CCDC80: variants seen among roughly 807,000 people sequenced by gnomAD.
The protein encoded by CCDC80 is coiled-coil domain-containing protein 80.
Under a neutral mutation model 78.7 loss-of-function variants are expected in CCDC80, and 49 were observed. The ratio of observed to expected loss-of-function variants is 0.62; its 90% CI spans 0.50 to 0.79. The LOEUF is 0.79. Ranked by LOEUF, CCDC80 falls within the 30% of genes least tolerant of loss-of-function variation. The probability of loss-of-function intolerance (pLI) is 0.00; values close to 1 mark genes in which losing one functional copy is unlikely to be tolerated. For missense variants in CCDC80, 1,205 were observed against 1,198.6 expected (o/e 1.01, Z -0.08); for synonymous variants, 488 against 447.0 (o/e 1.09, Z -1.16).
In CCDC80 at chr3:112,597,580, T is replaced by G. The variant is rs1047371509; in HGVS notation, c.*7837A>C. 1 of 152,144 alleles carries G rather than the reference T, an allele frequency of 6.6e-6. No individual in the cohort carries two copies. Among genetic ancestry groups the G allele is most frequent in the Non-Finnish European group, 1.5e-5 (1 of 68,026 alleles). 9.4% of individuals were successfully genotyped at this position (152,144 alleles called of 1,614,324 possible). The stretch of plus-strand genomic sequence containing the variant: ...GAATTAATACAAGTGTCAGCATCTT[T>G]CATGGACATCCAGACAATTTCTTAA... On this transcript the variant is annotated 3_prime_UTR_variant, in exon 8 of 8. Transcript: ENST00000206423.
At chr3:112,617,703 T>C (rs994154594) in intron 4 of CCDC80, among the ~76,000 whole-genome samples, 14 of 152,214 alleles carry the variant, frequency 9.2e-5, no homozygotes, top group Non-Finnish European at 2.1e-4. Context: ...ATAGACAGCC[T>C]TTTTTTCCCG....
intron 5 of CCDC80, among the ~76,000 whole-genome samples, chr3:112,611,894 A>G (rs145899255): frequency 6.6e-6 from 1 of 152,244 alleles, no homozygotes; most frequent in East Asian, 1.9e-4. Flanking sequence ...AGAGTTTTCA[A>G]CCCCAAAGAA....
At chr3:112,637,937 C>T (rs549220192) in intron 2 of CCDC80, 91 bp downstream of exon 2, 1 of 1,520,022 alleles carries the variant, frequency 6.6e-7, no homozygotes, top group Admixed American at 2.3e-5. Context: ...AGTCTGGCAT[C>T]TAGCAATATG....
rs1433126536 is a variant in CCDC80, at chr3:112,639,570, G to C, written c.336C>G (p.Gly112=). The change falls in exon 2 of 8, where the codon GGC becomes GGG. Residue 112 remains glycine (G), a synonymous_variant. Coordinates refer to ENST00000206423, the MANE Select transcript of CCDC80 (RefSeq NM_199511.3). ...VRPEQRPAAR[G]SPREMIRDEG... ...CATCTCTGATCATCTCACGCGGAGA[G>C]CCCCTGGCTGCTGGTCTTTGCTCAG... The C allele has an allele frequency of 1.2e-6, 2 of 1,614,128 alleles. No individual in the cohort carries two copies. The highest frequency in any genetic ancestry group is 1.7e-5 in the Admixed American group (1 of 60,012).
In CCDC80 at chr3:112,605,477, C is replaced by A. The variant is rs763330905; in HGVS notation, c.2793G>T (p.Gln931His). 6.2e-7 allele frequency: 1 copy of A among 1,614,126 alleles called. No homozygotes were observed. Among genetic ancestry groups the A allele is most frequent in the Non-Finnish European group, 8.5e-7 (1 of 1,179,990 alleles). ...YGYHSYHQGY[Q>H]DGYQDDYRHH... ...GACGGTAGTCATCCTGGTAACCATC[C>A]TGGTATCCTTGGTGGTAACTATGGT... The change falls in exon 8 of 8, where the codon CAG becomes CAT. Residue 931 changes from glutamine to histidine, a missense_variant. Transcript: ENST00000206423.
At chr3:112,619,203 C>A in intron 3 of CCDC80, 99 bp from the exon 4 acceptor site, 1 of 1,138,244 alleles carries the variant, frequency 8.8e-7, no homozygotes, top group Non-Finnish European at 1.2e-6. Flanking sequence ...CACCAGCCTT[C>A]ATTAGTTTTA....
chr3:112,623,378 G>A (rs143353547), intron 3 of CCDC80, among the ~76,000 whole-genome samples: 53 of 152,264 alleles, frequency 3.5e-4, no homozygotes, highest in African/African-American at 1.1e-3. Context: ...TGTGACATCC[G>A]TGGATTCTCC....
intron 3 of CCDC80, among the ~76,000 whole-genome samples, chr3:112,623,448 C>T (rs1935907080): frequency 6.6e-6 from 1 of 152,198 alleles, no homozygotes. Context: ...ACTACTTTAG[C>T]CTCTCGCATT....
rs1208753472 is a variant in CCDC80 at position 112,604,993 on chromosome 3, T to C, written c.*424A>G. On this transcript the variant is annotated 3_prime_UTR_variant, in exon 8 of 8. Transcript: ENST00000206423. ...CAATTTAAGTAAGTATTATAAGTTA[T>C]TTGTTCTTTGTTTTATCTTTTCAGA... 3 of 153,594 alleles carry C rather than the reference T, an allele frequency of 2.0e-5. No individual in the cohort carries two copies. Among genetic ancestry groups the C allele is most frequent in the African/African-American group, 7.2e-5 (3 of 41,526 alleles). 9.5% of individuals were successfully genotyped at this position (153,594 alleles called of 1,614,324 possible). A position where few individuals can be genotyped will look rare whatever the true frequency, so the allele number is the denominator to read the frequency against.
intron 5 of CCDC80, among the ~76,000 whole-genome samples, chr3:112,612,797 C>A (rs775556388): frequency 6.6e-6 from 1 of 151,898 alleles, no homozygotes; most frequent in African/African-American, 2.4e-5. Flanking sequence ...CCTGTGTAAA[C>A]CCATCAACCA....
intron 7 of CCDC80, among the ~76,000 whole-genome samples, chr3:112,606,343 TGG>T (rs1311963522): frequency 1.3e-5 from 2 of 152,266 alleles, no homozygotes; most frequent in Non-Finnish European, 2.9e-5. Flanking sequence ...TTAAAGAGCT[TGG>T]TCTTGGAAGA....
chr3:112,607,097 C>A, intron 7 of CCDC80, 79 bp downstream of exon 7: 1 of 1,033,994 alleles, frequency 9.7e-7, no homozygotes, highest in East Asian at 2.4e-5. Context: ...AGAGATACAC[C>A]CACTGCTTGC....
chr3:112,602,157 G>C lies in CCDC80; in HGVS notation c.*3260C>G, dbSNP rs1935385710. The stretch of plus-strand genomic sequence containing the variant: ...TCTGTTATTAAAATCTGTAGTCAAC[G>C]ATCTTTGATGTTGCTATTATAATTA... On this transcript the variant is annotated 3_prime_UTR_variant, in exon 8 of 8. Coordinates refer to ENST00000206423, the MANE Select transcript of CCDC80 (RefSeq NM_199511.3). 6.6e-6 allele frequency: 1 copy of C among 152,082 alleles called. No homozygotes were observed. The highest frequency in any genetic ancestry group is 2.4e-5 in the African/African-American group (1 of 41,410). 9.4% of individuals were successfully genotyped at this position (152,082 alleles called of 1,614,324 possible). A position where few individuals can be genotyped will look rare whatever the true frequency, so the allele number is the denominator to read the frequency against.
rs773125885 is a variant in CCDC80 at position 112,610,024 on chromosome 3, G to A, written c.2379C>T (p.Ala793=). 4 of 1,614,026 alleles carry A rather than the reference G, an allele frequency of 2.5e-6. No homozygotes were observed. The highest frequency in any genetic ancestry group is 3.4e-6 in the Non-Finnish European group (4 of 1,179,988). ...TGAGGGCAGAGAGCTGCTGTGAATA[G>A]GCCCAGTCTTCATCGTTAGGAGCAG... is the stretch of plus-strand genomic sequence containing the variant. ...VISAPNDEDW[A]YSQQLSALSG... The change falls in exon 6 of 8, where the codon GCC becomes GCT. Residue 793 remains alanine, a synonymous_variant. Transcript: ENST00000206423.
At chr3:112,631,969 T>C (rs1218306074) in intron 2 of CCDC80, among the ~76,000 whole-genome samples, 2 of 152,234 alleles carry the variant, frequency 1.3e-5, no homozygotes, top group Non-Finnish European at 2.9e-5. Context: ...TGCCTGCTCA[T>C]ACGGACATTC....
intron 3 of CCDC80, among the ~76,000 whole-genome samples, chr3:112,621,417 A>G (rs528622348): frequency 3.9e-5 from 6 of 152,296 alleles, no homozygotes; most frequent in East Asian, 3.9e-4. Flanking sequence ...AGCCCAGCCA[A>G]GATCAGCAGA....
chr3:112,638,732 G>T lies in CCDC80; in HGVS notation c.1174C>A (p.Pro392Thr), dbSNP rs1936267497. 4 of 1,614,016 alleles carry T rather than the reference G, an allele frequency of 2.5e-6. No individual in the cohort carries two copies. Among genetic ancestry groups the T allele is most frequent in the Non-Finnish European group, 3.4e-6 (4 of 1,180,000 alleles). The change falls in exon 2 of 8, where the codon CCC (proline) becomes ACC (threonine). Residue 392 changes from proline (P) to threonine (T), a missense_variant. Physicochemically the swap from Pro to Thr is conservative, Grantham distance 38 (BLOSUM62 -1). Coordinates refer to ENST00000206423, the MANE Select transcript of CCDC80 (RefSeq NM_199511.3). ...GTGGTTGTAGGGGGCCTGTGGGAGG[G>T]TGAGGGGGTCCAGGGCCTCTGCGTG... ...PTTQRPWTPS[P>T]SHRPPTTTEV...
At position 112,638,516 on chromosome 3, in the gene CCDC80, G is replaced by A. The variant is rs774394821; in HGVS notation, c.1390C>T (p.Arg464Trp). Residue 464 changes from arginine to tryptophan, a missense_variant, in exon 2 of 8, where the codon CGG becomes TGG. Physicochemically the swap from Arg to Trp is moderately radical, Grantham distance 101. Transcript: ENST00000206423. ...TCCCGCCTGTCCATGCGGTTGTCCC[G>A]GAAACGGCCTGGGCCAGCAGCCCTT... Reference protein sequence around the residue: ...STRAAGPGRFRDNRMDRREHG... With the variant: ...STRAAGPGRFWDNRMDRREHG... 3.7e-5 allele frequency: 60 copies of A among 1,613,892 alleles called. No individual in the cohort carries two copies. Among genetic ancestry groups the A allele is most frequent in the Non-Finnish European group, 4.2e-5 (50 of 1,180,008 alleles).
chr3:112,623,867 A>G (rs1334031324), intron 3 of CCDC80, among the ~76,000 whole-genome samples: 1 of 152,128 alleles, frequency 6.6e-6, no homozygotes, highest in Non-Finnish European at 1.5e-5. Context: ...TCACTTGTGC[A>G]CTCAACATTT....
Sources: gnomAD v4.1 joint callset for allele counts (sites outside exome capture counted in the v4.1 genomes callset) on GRCh38, gnomAD v4.1.1 for gene constraint, MANE v1.5 for transcripts, NCBI Gene and HGNC (gene_info 2026-07-23, HGNC 2026-07-21) for gene names.